Variants in POLQ observed in about 807,000 individuals in gnomAD.
The protein encoded by POLQ is epididymis secretory sperm binding protein.
A neutral mutation model predicts 259.2 loss-of-function variants in POLQ; 233 were observed. That is an observed-to-expected ratio of 0.90 (90% confidence interval 0.81 to 1.00). The LOEUF is 1.00. Among genes scored for constraint, POLQ ranks in the 50% least tolerant of loss-of-function variants. The probability of loss-of-function intolerance (pLI) is 0.00; values close to 1 mark genes in which losing one functional copy is unlikely to be tolerated. For missense variants in POLQ, 2,871 were observed against 3,051.6 expected, an observed-to-expected ratio of 0.94 and a Z score of 1.39; for synonymous variants, 1,025 against 1,048.8, an observed-to-expected ratio of 0.98 and a Z score of 0.44.
At chr3:121,445,729 G>A (rs1160617132) in intron 26 of POLQ, among the ~76,000 whole-genome samples, 1 of 151,996 alleles carries the variant, frequency 6.6e-6, no homozygotes, top group Non-Finnish European at 1.5e-5. Flanking sequence ...CAGGCACGGT[G>A]GCACATACCT....
intron 7 of POLQ, among the ~76,000 whole-genome samples, chr3:121,528,452 T>C (rs915416488): frequency 6.6e-6 from 1 of 151,868 alleles, no homozygotes; most frequent in African/African-American, 2.4e-5. Context: ...CAAGTGATTC[T>C]CCCACCTCAG....
chr3:121,464,629 T>G (rs929595683), intron 24 of POLQ, among the ~76,000 whole-genome samples: 20 of 151,724 alleles, frequency 1.3e-4, no homozygotes, highest in African/African-American at 4.8e-4. Context: ...ATCTAAAACT[T>G]TCTGAGCACT....
At chr3:121,456,436 T>A (rs977628625) in intron 25 of POLQ, among the ~76,000 whole-genome samples, 2 of 152,058 alleles carry the variant, frequency 1.3e-5, no homozygotes, top group Non-Finnish European at 2.9e-5. Flanking sequence ...AAAGAGGAAG[T>A]CAAATTGTCC....
chr3:121,432,560 A>G, intron 29 of POLQ, 143 bp from the exon 30 acceptor site: 3 of 735,186 alleles, frequency 4.1e-6, no homozygotes, highest in Non-Finnish European at 6.1e-6. Context: ...AAAAAATAAA[A>G]TAAATAAATG....
chr3:121,506,392 C>A (rs759746400), intron 12 of POLQ, among the ~76,000 whole-genome samples: 23 of 147,828 alleles, frequency 1.6e-4, no homozygotes, highest in Non-Finnish European at 3.3e-4. Flanking sequence ...CAATCACTCT[C>A]CATTTTCATC....
rs752406703 is a variant in POLQ at position 121,545,816 on chromosome 3, G to A, written c.62C>T (p.Ser21Leu). 1.2e-6 allele frequency: 2 copies of A among 1,613,614 alleles called. No homozygotes were observed. Among genetic ancestry groups the A allele is most frequent in the East Asian group, 2.2e-5 (1 of 44,894 alleles). ...GGCACTGCTGTCACCGCCGCTTCCC[G>A]AGAACGAATCTGAGCCTGATTCTGA... ...RRSESGSDSF[S>L]GSGGDSSASP... The change falls in exon 1 of 30, where the codon TCG (serine) becomes TTG (leucine). Residue 21 changes from serine (S) to leucine (L), a missense_variant. This residue lies in a region of POLQ where 783 missense variants were observed against 906.2 expected (regional missense o/e 0.86). Coordinates refer to ENST00000264233, the MANE Select transcript of POLQ (RefSeq NM_199420.4).
intron 19 of POLQ, among the ~76,000 whole-genome samples, chr3:121,478,518 G>GTA (rs2047944660): frequency 7.1e-6 from 1 of 141,694 alleles, no homozygotes; most frequent in Non-Finnish European, 1.5e-5. Flanking sequence ...GAGAACAAGT[G>GTA]TATCAATAAT....
chr3:121,504,419 A>C (rs937854100), intron 12 of POLQ, among the ~76,000 whole-genome samples: 1 of 152,264 alleles, frequency 6.6e-6, no homozygotes, highest in African/African-American at 2.4e-5. Context: ...CTCCAAAGTA[A>C]AGCCCAGGCC....
At position 121,532,294 on chromosome 3, in the gene POLQ, T is replaced by A. The variant is rs113064599; in HGVS notation, c.960+696A>T. Among the ~76,000 whole-genome samples the A allele has an allele frequency of 3.3e-3, 504 of 152,120 alleles. 5 individuals carry two copies. The highest frequency in any genetic ancestry group is 0.012 in the African/African-American group (479 of 41,508). ...GACTACAAAAATAATATTTTCACTC[T>A]ACTATATATTATACCTACCATTTAA... is the stretch of plus-strand genomic sequence containing the variant. On this transcript the variant is annotated intron_variant, in intron 6 of 29. Coordinates refer to ENST00000264233, the MANE Select transcript of POLQ (RefSeq NM_199420.4).
At chr3:121,515,992 GAA>G (rs1256906241) in intron 9 of POLQ, among the ~76,000 whole-genome samples, 2 of 151,730 alleles carry the variant, frequency 1.3e-5, no homozygotes, top group African/African-American at 4.8e-5. Context: ...CAATAAAAAA[GAA>G]AGAGAAATCT....
At chr3:121,525,080 A>G (rs916725727) in intron 7 of POLQ, among the ~76,000 whole-genome samples, 33 of 152,138 alleles carry the variant, frequency 2.2e-4, no homozygotes, top group African/African-American at 8.0e-4. Flanking sequence ...GGTGTCTCAC[A>G]ACTGTAATCC....
chr3:121,487,994 A>G lies in POLQ; in HGVS notation c.4937T>C (p.Leu1646Ser), dbSNP rs778165951. 2.5e-6 allele frequency: 4 copies of G among 1,612,738 alleles called. No homozygotes were observed. The highest frequency in any genetic ancestry group is 3.3e-5 in the Admixed American group (2 of 59,766). The change falls in exon 16 of 30, where the codon TTA becomes TCA. Residue 1646 changes from leucine to serine, a missense_variant. Coordinates refer to ENST00000264233, the MANE Select transcript of POLQ (RefSeq NM_199420.4). ...FDLSPGLQRI[L>S]DKVSSPLENE... ...TTCTAGAGGACTGGATACTTTATCT[A>G]AAATCCTTTGCAGTCCTGGACTTAG...
At chr3:121,490,539 G>C (rs958855101) in intron 15 of POLQ, 131 bp from the exon 16 acceptor site, 1 of 719,390 alleles carries the variant, frequency 1.4e-6, no homozygotes, top group African/African-American at 1.8e-5. Context: ...AAATGTATCT[G>C]CTCTCATGGC....
At chr3:121,452,855 T>C (rs1022439298) in intron 25 of POLQ, among the ~76,000 whole-genome samples, 2 of 152,204 alleles carry the variant, frequency 1.3e-5, no homozygotes, top group Admixed American at 6.5e-5. Flanking sequence ...CAGACTTAAA[T>C]GTCCCTGTCT....
chr3:121,483,473 A>G lies in POLQ; in HGVS notation c.5883T>C (p.Ser1961=). Residue 1961 remains serine (S), a synonymous_variant, in exon 18 of 30, where the codon TCT becomes TCC. Transcript: ENST00000264233. ...TCTGGATGAAGTCATAGATGACAACAGAACATTCTTTATCAGATTCCTTTC... is the reference window on the plus strand; with the variant it reads ...TCTGGATGAAGTCATAGATGACAACGGAACATTCTTTATCAGATTCCTTTC... The part of the protein sequence containing the change: ...CLRKESDKEC[S]VVIYDFIQSY... 8 of 1,608,468 alleles carry G rather than the reference A, an allele frequency of 5.0e-6. No homozygotes were observed. The highest frequency in any genetic ancestry group is 6.8e-6 in the Non-Finnish European group (8 of 1,178,052).
rs749918654 is a variant in POLQ, at chr3:121,539,406, T to C, written c.631+27A>G. The stretch of plus-strand genomic sequence containing the variant: ...TTCCATCAAAAATAGCAATAGAAAG[T>C]ATTTACTTATTTTCTAACTTTCTTA... On this transcript the variant is annotated intron_variant, in intron 4 of 29. Transcript: ENST00000264233. The C allele has an allele frequency of 4.6e-6, 7 of 1,529,584 alleles. No homozygotes were observed. In the South Asian group the frequency reaches 8.2e-5, roughly 18 times the overall value. The allele number at this position is 1,529,584 out of a possible 1,614,324, so 94.8% of individuals were successfully genotyped here.
In POLQ at chr3:121,440,103, G is replaced by A; in HGVS notation, c.7278C>T (p.Phe2426=). The part of the protein sequence containing the change: ...FKSRYTGINQ[F]MTETVKNCKR... ...TACAATTCTTCACTGTCTCTGTCAT[G>A]AATTGATTAATCCCTACAAAGAAAA... Residue 2426 remains phenylalanine, a synonymous_variant, in exon 27 of 30, where the codon TTC becomes TTT. Transcript: ENST00000264233. 1 of 1,605,680 alleles carries A rather than the reference G, an allele frequency of 6.2e-7. No individual in the cohort carries two copies. Among genetic ancestry groups the A allele is most frequent in the South Asian group, 1.1e-5 (1 of 90,732 alleles).
chr3:121,525,359 CAAAA>C (rs71133545), intron 7 of POLQ, among the ~76,000 whole-genome samples: 87,009 of 148,720 alleles, frequency 0.59, 26,621 homozygotes, highest in East Asian at 0.89. Flanking sequence ...AAAAAGAAAA[CAAAA>C]AAGAGAAAAT....
Position 121,433,386 on chromosome 3 carries a change from C to T in POLQ, c.7544-353G>A, listed in dbSNP as rs149173562. 2.6e-5 allele frequency among the ~76,000 whole-genome samples: 4 copies of T among 152,272 alleles called. No individual in the cohort carries two copies. In the East Asian group the frequency reaches 7.7e-4, roughly 29 times the overall value. On this transcript the variant is annotated intron_variant, in intron 28 of 29. Transcript: ENST00000264233. ...GTAATAGCACCAGGGAGGTATGGGG[C>T]CTGATTCCTGCCCCAGGAAAGCAAA... is the stretch of plus-strand genomic sequence containing the variant.
Sources: gnomAD v4.1 joint callset for allele counts (sites outside exome capture counted in the v4.1 genomes callset) on GRCh38, gnomAD v4.1.1 for gene constraint, gnomAD v4.1.1 regional missense constraint, MANE v1.5 for transcripts, NCBI Gene and HGNC (gene_info 2026-07-23, HGNC 2026-07-21) for gene names.